The following SLC2A5 variants were observed in gnomAD, a reference collection of about 807,000 sequenced individuals.
The protein encoded by SLC2A5 is solute carrier family 2, facilitated glucose transporter member 5.
Under a neutral mutation model 50.3 loss-of-function variants are expected in SLC2A5, and 56 were observed. The observed-to-expected ratio is 1.11, with a 90% CI of 0.90 to 1.39. The LOEUF is 1.39. SLC2A5 is among the 40% of genes most tolerant of loss of function. The pLI is 0.00. For missense variants in SLC2A5, 566 were observed against 650.1 expected (o/e 0.87, Z 1.41); for synonymous variants, 269 against 281.9 (o/e 0.95, Z 0.46).
Position 9,039,565 on chromosome 1 carries a change from A to ATGACCACGT in SLC2A5, c.974_982dup (p.Asn325_Val327dup). 1 of 1,573,408 alleles carries ATGACCACGT rather than the reference A, an allele frequency of 6.4e-7. No homozygotes were observed. The highest frequency in any genetic ancestry group is 2.4e-5 in the East Asian group (1 of 42,046). ...CAGGACACTCACGGCGCAGAAGGTCATGACCACGTTCACGGCCCCGGTGCC... is the reference window on the plus strand; with the variant it reads ...CAGGACACTCACGGCGCAGAAGGTCATGACCACGTTGACCACGTTCACGGCCCCGGTGCC... On this transcript the variant is annotated inframe_insertion, in exon 8 of 12. Coordinates refer to ENST00000377424, the MANE Select transcript of SLC2A5 (RefSeq NM_003039.3).
intron 3 of SLC2A5, among the ~76,000 whole-genome samples, chr1:9,051,899 T>C (rs1557669068): frequency 6.6e-6 from 1 of 152,192 alleles, no homozygotes; most frequent in Non-Finnish European, 1.5e-5. Flanking sequence ...AGATGTCCTC[T>C]GGTACTGAAC....
chr1:9,084,135 C>T (rs1569926390), intron 2 of SLC2A5, among the ~76,000 whole-genome samples: 2 of 152,060 alleles, frequency 1.3e-5, no homozygotes, highest in African/African-American at 4.8e-5. Flanking sequence ...CAGCGAGACT[C>T]CGTCTCAAAA....
chr1:9,059,554 T>TTTTTTTTTC (rs1641853813), intron 1 of SLC2A5, among the ~76,000 whole-genome samples: 3 of 81,756 alleles, frequency 3.7e-5, no homozygotes, highest in African/African-American at 1.3e-4. Context: ...TTTTTTTTTT[T>TTTTTTTTTC]CTGAGACATT....
intron 1 of SLC2A5, among the ~76,000 whole-genome samples, chr1:9,062,763 T>C (rs1388170354): frequency 1.3e-5 from 2 of 151,914 alleles, no homozygotes; most frequent in African/African-American, 4.8e-5. Context: ...TCCCAGCTAG[T>C]AGGGAGGCTA....
At chr1:9,070,088 T>G (rs1642184309), upstream of SLC2A5, among the ~76,000 whole-genome samples, 2 of 140,110 alleles carry the variant, frequency 1.4e-5, no homozygotes, top group African/African-American at 2.7e-5. Flanking sequence ...TTTTTTTTTT[T>G]TTTTTTTTTT....
rs748438471 is a variant in SLC2A5, at chr1:9,057,447, C to T, written c.293+1G>A. The T allele has an allele frequency of 3.1e-6, 5 of 1,607,912 alleles. No individual in the cohort carries two copies. Among genetic ancestry groups the T allele is most frequent in the East Asian group, 4.5e-5 (2 of 44,788 alleles). On this transcript the variant is annotated splice_donor_variant, in intron 3 of 11. Transcript: ENST00000377424. LOFTEE classifies it high-confidence loss of function. ...GGAATTAAAAATTCACCTTCCCTTA[C>T]CTGCCAAATTTATTCACCAAGGGGC... is the stretch of plus-strand genomic sequence containing the variant.
chr1:9,042,530 G>T (rs1026568267), intron 4 of SLC2A5, among the ~76,000 whole-genome samples: 2 of 147,080 alleles, frequency 1.4e-5, no homozygotes, highest in Admixed American at 6.8e-5. Flanking sequence ...GACATGGCCT[G>T]GTGTGTGTGT....
At chr1:9,055,257 C>T (rs1393483311) in intron 3 of SLC2A5, among the ~76,000 whole-genome samples, 1 of 152,082 alleles carries the variant, frequency 6.6e-6, no homozygotes, top group Non-Finnish European at 1.5e-5. Context: ...GTGGCTCACA[C>T]CTGTAATCTC....
intron 3 of SLC2A5, among the ~76,000 whole-genome samples, chr1:9,053,038 CTATTATATATTAATATATAATATA>C (rs1557669676): frequency 1.0e-5 from 1 of 97,532 alleles, no homozygotes; most frequent in Non-Finnish European, 2.0e-5. Context: ...GGGTCTTACT[CTATTATATATTAATATATAATATA>C]TATTATATAT....
At chr1:9,041,354 A>T in intron 5 of SLC2A5, 1 of 707,336 alleles carries the variant, frequency 1.4e-6, no homozygotes, top group Non-Finnish European at 2.0e-6. Flanking sequence ...CACTCCTGGT[A>T]CTTCTCTTTC....
At chr1:9,041,521 G>T in intron 5 of SLC2A5, 1 of 1,347,600 alleles carries the variant, frequency 7.4e-7, no homozygotes, top group Admixed American at 3.4e-5. Flanking sequence ...TGCTGAGCAG[G>T]CAGGGAAGCC....
At chr1:9,046,454 C>T (rs973850567) in intron 4 of SLC2A5, among the ~76,000 whole-genome samples, 32 of 152,146 alleles carry the variant, frequency 2.1e-4, no homozygotes, top group African/African-American at 7.2e-4. Context: ...GAGGACTCAG[C>T]GAGTCAGCAC....
chr1:9,044,382 A>C (rs1230213752), intron 4 of SLC2A5, among the ~76,000 whole-genome samples: 1 of 152,106 alleles, frequency 6.6e-6, no homozygotes, highest in Non-Finnish European at 1.5e-5. Context: ...GCCAATGAAT[A>C]CCTTCAGTCT....
At chr1:9,089,854 C>T (rs1642444338), upstream of SLC2A5, among the ~76,000 whole-genome samples, 1 of 152,182 alleles carries the variant, frequency 6.6e-6, no homozygotes, top group Admixed American at 6.6e-5. Flanking sequence ...TGGCACTGCC[C>T]ATGGAGGAAT....
upstream of SLC2A5, among the ~76,000 whole-genome samples, chr1:9,074,404 G>A (rs985348176): frequency 6.6e-6 from 1 of 152,162 alleles, no homozygotes; most frequent in African/African-American, 2.4e-5. Flanking sequence ...AGGGGAAAGA[G>A]GGAGAGTATG....
intron 1 of SLC2A5, among the ~76,000 whole-genome samples, chr1:9,061,805 G>A (rs1478155963): frequency 6.6e-5 from 10 of 152,084 alleles, no homozygotes; most frequent in Non-Finnish European, 1.3e-4. Context: ...GGAGCTGGCT[G>A]GTTCCCAGGG....
intron 3 of SLC2A5, chr1:9,049,048 A>C (rs544479977): frequency 2.2e-4 from 95 of 440,890 alleles, no homozygotes; most frequent in Non-Finnish European, 4.0e-4. Flanking sequence ...ATCAAACATC[A>C]CACTTAATAA....
intron 1 of SLC2A5, among the ~76,000 whole-genome samples, chr1:9,067,568 G>A (rs953660556): frequency 1.3e-5 from 2 of 152,104 alleles, no homozygotes; most frequent in Non-Finnish European, 2.9e-5. Flanking sequence ...CATCACCTCC[G>A]TTTCTTTTCT....
At chr1:9,055,058 C>G (rs900858145) in intron 3 of SLC2A5, among the ~76,000 whole-genome samples, 1 of 152,128 alleles carries the variant, frequency 6.6e-6, no homozygotes, top group Admixed American at 6.6e-5. Context: ...AATAAAGCAA[C>G]AGATTGAGAA....
Sources: allele counts gnomAD v4.1 joint callset (sites outside exome capture counted in the v4.1 genomes callset), GRCh38; gene constraint gnomAD v4.1.1; transcripts MANE v1.5; gene names NCBI Gene and HGNC (gene_info 2026-07-23, HGNC 2026-07-21).